LARGE1: variants seen among roughly 807,000 people sequenced by gnomAD.
LARGE1 encodes xylosyl- and glucuronyltransferase LARGE1.
A neutral mutation model predicts 87.6 loss-of-function variants in LARGE1; 43 were observed. That is an observed-to-expected ratio of 0.49 (90% CI 0.38 to 0.63). The LOEUF is 0.63. Among genes scored for constraint, LARGE1 ranks in the 30% least tolerant of loss-of-function variants. The pLI, the probability that LARGE1 is intolerant of heterozygous loss-of-function variation, is 0.00. For missense variants in LARGE1, 802 were observed against 1,000.2 expected (o/e 0.80, Z 2.67); for synonymous variants, 434 against 394.6 (o/e 1.10, Z -1.18).
At chr22:33,434,592 C>T (rs1328276492) in intron 6 of LARGE1, among the ~76,000 whole-genome samples, 2 of 152,186 alleles carry the variant, frequency 1.3e-5, no homozygotes, top group Non-Finnish European at 2.9e-5. Context: ...AGCCACTGCG[C>T]CCAGCCTGGG....
chr22:33,299,387 A>G (rs568451938), intron 12 of LARGE1, among the ~76,000 whole-genome samples: 2 of 152,322 alleles, frequency 1.3e-5, no homozygotes, highest in African/African-American at 4.8e-5. Flanking sequence ...AATGACCCCC[A>G]GGGACAGCAA....
At chr22:33,517,798 G>T (rs1396125290) in intron 6 of LARGE1, among the ~76,000 whole-genome samples, 1 of 152,290 alleles carries the variant, frequency 6.6e-6, no homozygotes, top group African/African-American at 2.4e-5. Flanking sequence ...AGAATGCATG[G>T]CCTCAGTCCT....
intron 5 of LARGE1, among the ~76,000 whole-genome samples, chr22:33,597,278 GAA>G (rs3072280): frequency 0.36 from 46,170 of 129,110 alleles, 7,492 homozygotes; most frequent in Non-Finnish European, 0.4. Context: ...CCTAATTCAT[GAA>G]AAAAAAAAAA....
In LARGE1 at chr22:33,819,338, T is replaced by C. The variant is rs191134013; in HGVS notation, c.-82-57780A>G. Among the ~76,000 whole-genome samples, 235 of 152,304 alleles carry C rather than the reference T, an allele frequency of 1.5e-3. 1 individual carries two copies. Among genetic ancestry groups the C allele is most frequent in the Non-Finnish European group, 2.6e-3 (180 of 68,034 alleles). ...TGAAAAATGAGCTATTCCACACATA[T>C]GAATGCTCTGGATGACATTTTTAAA... On this transcript the variant is annotated intron_variant, in intron 1 of 14. Transcript: ENST00000397394.
intron 6 of LARGE1, among the ~76,000 whole-genome samples, chr22:33,441,012 C>T (rs928468587): frequency 1.3e-5 from 2 of 149,460 alleles, no homozygotes; most frequent in Non-Finnish European, 3.0e-5. Context: ...GCTTGAAGTT[C>T]CTTTTTTTGT....
intron 5 of LARGE1, among the ~76,000 whole-genome samples, chr22:33,585,609 C>T (rs1478567804): frequency 1.3e-5 from 2 of 152,164 alleles, no homozygotes; most frequent in Non-Finnish European, 1.5e-5. Context: ...CCATGAGGAG[C>T]CCACGAAAAT....
At chr22:33,922,258 C>G (rs1415421989), upstream of LARGE1, among the ~76,000 whole-genome samples, 1 of 11,298 alleles carries the variant, frequency 8.9e-5, no homozygotes, top group African/African-American at 3.5e-4. Flanking sequence ...GACCCCACTC[C>G]TCGAGGTCGG....
intron 1 of LARGE1, among the ~76,000 whole-genome samples, chr22:33,816,691 G>GATAA (rs1210771556): frequency 4.3e-5 from 5 of 115,120 alleles, no homozygotes; most frequent in Non-Finnish European, 8.9e-5. Flanking sequence ...TAGATAGATA[G>GATAA]ACAGACAGAC....
chr22:33,295,882 G>C (rs1023311268), intron 12 of LARGE1, among the ~76,000 whole-genome samples: 1 of 152,216 alleles, frequency 6.6e-6, no homozygotes, highest in Non-Finnish European at 1.5e-5. Flanking sequence ...ATTCCTTAAT[G>C]GGTGGCATTA....
intron 11 of LARGE1, among the ~76,000 whole-genome samples, chr22:33,209,323 G>T (rs937330858): frequency 2.0e-5 from 3 of 152,190 alleles, no homozygotes; most frequent in Non-Finnish European, 4.4e-5. Flanking sequence ...GGAGGTAGCA[G>T]ATGCGATCTA....
intron 6 of LARGE1, among the ~76,000 whole-genome samples, chr22:33,443,390 G>C (rs562907769): frequency 6.6e-6 from 1 of 152,272 alleles, no homozygotes; most frequent in Admixed American, 6.5e-5. Context: ...GGGGAGAAAG[G>C]GTGGTCGAAG....
intron 6 of LARGE1, among the ~76,000 whole-genome samples, chr22:33,463,620 T>G (rs780352980): frequency 6.6e-6 from 1 of 152,194 alleles, no homozygotes; most frequent in Non-Finnish European, 1.5e-5. Flanking sequence ...TTGACAAACT[T>G]ATCCCAAAAT....
chr22:33,451,335 A>T (rs970173404), intron 6 of LARGE1, among the ~76,000 whole-genome samples: 1 of 150,542 alleles, frequency 6.6e-6, no homozygotes, highest in Non-Finnish European at 1.5e-5. Context: ...AAGAACGCTC[A>T]GCTGCCAAAA....
chr22:33,661,434 C>T (rs1194835780), intron 2 of LARGE1, among the ~76,000 whole-genome samples: 4 of 152,090 alleles, frequency 2.6e-5, no homozygotes, highest in East Asian at 1.9e-4. Flanking sequence ...GCCTGTTCCT[C>T]GAACTCCTGA....
chr22:33,842,113 C>A (rs182020555), intron 1 of LARGE1, among the ~76,000 whole-genome samples: 20 of 152,298 alleles, frequency 1.3e-4, no homozygotes, highest in Admixed American at 1.1e-3. Context: ...CTAAATGGTT[C>A]CTTACCATCT....
intron 6 of LARGE1, among the ~76,000 whole-genome samples, chr22:33,489,345 G>T (rs2069723083): frequency 1.3e-5 from 2 of 152,162 alleles, no homozygotes; most frequent in Admixed American, 6.5e-5. Flanking sequence ...ATTCATTCAA[G>T]AAATTTTTAT....
chr22:33,650,653 G>A lies in LARGE1; in HGVS notation c.122C>T (p.Ser41Phe). ...SGSFEDGKPV[S>F]LSPLESQAHS... ...TGCCTGGGACTCCAGCGGTGACAGA[G>A]ACACGGGCTTTCCATCTGGGGAGCG... Residue 41 changes from serine to phenylalanine, a missense_variant, in exon 3 of 15, where the codon TCT becomes TTT. Around this residue, in one of 2 missense-constraint regions of LARGE1, gnomAD observed 177 missense variants for 158.3 expected, o/e 1.12. Transcript: ENST00000397394. The A allele has an allele frequency of 6.2e-7, 1 of 1,601,188 alleles. No individual in the cohort carries two copies. The highest frequency in any genetic ancestry group is 1.3e-5 in the African/African-American group (1 of 75,026).
chr22:33,441,628 A>C (rs1032945879), intron 6 of LARGE1, among the ~76,000 whole-genome samples: 6 of 151,432 alleles, frequency 4.0e-5, no homozygotes, highest in African/African-American at 1.2e-4. Flanking sequence ...GCTAACTTTA[A>C]ATTTTTTTTT....
At chr22:33,858,316 G>A (rs190824918) in intron 1 of LARGE1, among the ~76,000 whole-genome samples, 16 of 152,294 alleles carry the variant, frequency 1.1e-4, no homozygotes, top group South Asian at 4.1e-4. Context: ...GACAGCAAGC[G>A]AAAGCTCAGC....
Sources: allele counts gnomAD v4.1 joint callset (sites outside exome capture counted in the v4.1 genomes callset), GRCh38; gene constraint gnomAD v4.1.1; regional missense constraint gnomAD v4.1.1; transcripts MANE v1.5; gene names NCBI Gene and HGNC (gene_info 2026-07-23, HGNC 2026-07-21).